Variants in LRMDA observed in about 807,000 individuals in gnomAD.
The protein encoded by LRMDA is leucine-rich melanocyte differentiation-associated protein.
LRMDA carries 18 observed loss-of-function variants against 29.8 expected under a neutral mutation model. That is an observed-to-expected ratio of 0.60 (90% CI 0.42 to 0.90). LRMDA has a LOEUF of 0.90. Among genes scored for constraint, LRMDA ranks in the 40% least tolerant of loss-of-function variants. The probability of loss-of-function intolerance (pLI) is 0.00; values close to 1 mark genes in which losing one functional copy is unlikely to be tolerated. For missense variants in LRMDA, 273 were observed against 273.9 expected, an observed-to-expected ratio of 1.00 and a Z score of 0.02; for synonymous variants, 125 against 109.4, an observed-to-expected ratio of 1.14 and a Z score of -0.89.
intron 6 of LRMDA, among the ~76,000 whole-genome samples, chr10:76,325,479 A>G (rs1353207666): frequency 6.6e-6 from 1 of 152,162 alleles, no homozygotes; most frequent in Non-Finnish European, 1.5e-5. Context: ...GCAGCTGCCA[A>G]CCTGCTATGT....
chr10:75,479,743 G>A (rs1480792146), intron 2 of LRMDA, among the ~76,000 whole-genome samples: 1 of 146,702 alleles, frequency 6.8e-6, no homozygotes, highest in African/African-American at 2.5e-5. Flanking sequence ...GGCCTTGGGA[G>A]CTGAAGAGTG....
At chr10:76,103,428 G>GA (rs1849428332) in intron 5 of LRMDA, among the ~76,000 whole-genome samples, 2 of 152,170 alleles carry the variant, frequency 1.3e-5, no homozygotes, top group Non-Finnish European at 2.9e-5. Context: ...CTGCTCTTCT[G>GA]ATCCCGGGGG....
chr10:76,035,935 T>C, intron 2 of LRMDA, 73 bp from the exon 3 acceptor site: 1 of 1,442,198 alleles, frequency 6.9e-7, no homozygotes, highest in Non-Finnish European at 9.2e-7. Context: ...AAGGTTAAAA[T>C]ATTTATTTCG....
intron 1 of LRMDA, among the ~76,000 whole-genome samples, chr10:75,436,172 C>T (rs951568317): frequency 5.3e-5 from 8 of 151,980 alleles, no homozygotes; most frequent in Non-Finnish European, 1.0e-4. Flanking sequence ...GATCTGGGCT[C>T]TATCACTAAG....
At chr10:76,039,202 T>C (rs1332951817) in intron 3 of LRMDA, among the ~76,000 whole-genome samples, 1 of 152,246 alleles carries the variant, frequency 6.6e-6, no homozygotes, top group Non-Finnish European at 1.5e-5. Flanking sequence ...GGTGTATGTA[T>C]AAAGAAGCAT....
intron 2 of LRMDA, among the ~76,000 whole-genome samples, chr10:75,466,767 C>T (rs1203249200): frequency 2.0e-5 from 3 of 152,100 alleles, no homozygotes; most frequent in African/African-American, 7.2e-5. Flanking sequence ...AAAGGAAACT[C>T]CCCCTACTGA....
intron 5 of LRMDA, among the ~76,000 whole-genome samples, chr10:76,213,464 G>T (rs1385696794): frequency 6.6e-6 from 1 of 152,212 alleles, no homozygotes; most frequent in Admixed American, 6.5e-5. Context: ...TCTCTTCAAT[G>T]GCACAGTTAT....
intron 2 of LRMDA, among the ~76,000 whole-genome samples, chr10:75,551,041 T>G (rs1840136309): frequency 6.7e-6 from 1 of 149,136 alleles, no homozygotes; most frequent in Non-Finnish European, 1.5e-5. Flanking sequence ...AGCAATTATC[T>G]TTTTTTTTTA....
At chr10:75,623,226 T>C (rs1841209832) in intron 2 of LRMDA, among the ~76,000 whole-genome samples, 1 of 152,238 alleles carries the variant, frequency 6.6e-6, no homozygotes, top group Non-Finnish European at 1.5e-5. Flanking sequence ...CAGTCCAGCA[T>C]TAGATCTATC....
At chr10:76,094,372 A>G (rs1306499758) in intron 5 of LRMDA, among the ~76,000 whole-genome samples, 1 of 152,206 alleles carries the variant, frequency 6.6e-6, no homozygotes, top group African/African-American at 2.4e-5. Flanking sequence ...TTATTTCCGT[A>G]TATGTGAAAG....
At chr10:76,258,327 T>A (rs527387759) in intron 5 of LRMDA, among the ~76,000 whole-genome samples, 128 of 152,150 alleles carry the variant, frequency 8.4e-4, no homozygotes, top group African/African-American at 3.0e-3. Context: ...GTATTTTTTT[T>A]ACTTGGCATA....
intron 2 of LRMDA, among the ~76,000 whole-genome samples, chr10:75,970,681 A>G (rs1846950792): frequency 6.6e-6 from 1 of 152,186 alleles, no homozygotes; most frequent in African/African-American, 2.4e-5. Flanking sequence ...AACTTGTTGA[A>G]GAGCTTAGGA....
At chr10:76,326,848 G>A (rs945222120) in intron 6 of LRMDA, among the ~76,000 whole-genome samples, 1 of 152,118 alleles carries the variant, frequency 6.6e-6, no homozygotes, top group Admixed American at 6.5e-5. Context: ...TTTTCCATCT[G>A]TTGCTTGTAG....
At chr10:75,802,260 T>C (rs182581242) in intron 2 of LRMDA, among the ~76,000 whole-genome samples, 8 of 151,942 alleles carry the variant, frequency 5.3e-5, no homozygotes, top group Middle Eastern at 6.8e-3. Context: ...TTAAGCTGCA[T>C]TGAGCTGTAA....
chr10:76,477,571 C>G (rs867168258), intron 6 of LRMDA, among the ~76,000 whole-genome samples: 1 of 152,028 alleles, frequency 6.6e-6, no homozygotes, highest in Non-Finnish European at 1.5e-5. Flanking sequence ...CATATGGAAC[C>G]GAAAAAGAGC....
chr10:75,510,275 T>C (rs1421825791), intron 2 of LRMDA, among the ~76,000 whole-genome samples: 1 of 152,030 alleles, frequency 6.6e-6, no homozygotes, highest in African/African-American at 2.4e-5. Flanking sequence ...TAAGCCCAAA[T>C]GTAAGGAAAA....
intron 5 of LRMDA, among the ~76,000 whole-genome samples, chr10:76,074,828 A>G (rs754886891): frequency 5.9e-5 from 9 of 152,086 alleles, no homozygotes; most frequent in Admixed American, 1.3e-4. Flanking sequence ...AGTCAGGGGA[A>G]ACTAACTGCT....
intron 2 of LRMDA, among the ~76,000 whole-genome samples, chr10:75,823,685 AGT>A (rs141426887): frequency 0.1 from 14,583 of 143,872 alleles, 1,113 homozygotes; most frequent in East Asian, 0.24. Flanking sequence ...ATTAAAATGT[AGT>A]GTGTGTGTGT....
intron 5 of LRMDA, among the ~76,000 whole-genome samples, chr10:76,153,075 G>A (rs1177983470): frequency 1.3e-5 from 2 of 152,020 alleles, no homozygotes; most frequent in African/African-American, 4.8e-5. Flanking sequence ...TCCTGACCTC[G>A]TGATCTGCCC....
Sources: allele counts gnomAD v4.1 joint callset (sites outside exome capture counted in the v4.1 genomes callset), GRCh38; gene constraint gnomAD v4.1.1; transcripts MANE v1.5; gene names NCBI Gene and HGNC (gene_info 2026-07-23, HGNC 2026-07-21).